The following COL23A1 variants were observed in gnomAD, a reference collection of about 807,000 sequenced individuals.
COL23A1 encodes collagen type XXIII alpha 1 chain.
In COL23A1, 97 loss-of-function variants were observed where a neutral mutation model predicts 99.3. That is an observed-to-expected ratio of 0.98 (90% CI 0.83 to 1.16). COL23A1 has a LOEUF of 1.16. Ranked by LOEUF, COL23A1 falls within the 50% of genes most tolerant of loss-of-function variation. The pLI is 0.00. For missense variants in COL23A1, 762 were observed against 757.4 expected (o/e 1.01, Z -0.07); for synonymous variants, 320 against 308.2 (o/e 1.04, Z -0.40).
intron 1 of COL23A1, among the ~76,000 whole-genome samples, chr5:178,566,332 C>T (rs6882332): frequency 6.6e-6 from 1 of 152,052 alleles, no homozygotes. Flanking sequence ...TGTCAAAAAC[C>T]ACAGCACTGT....
intron 2 of COL23A1, among the ~76,000 whole-genome samples, chr5:178,535,023 T>A (rs915532907): frequency 6.8e-5 from 10 of 146,258 alleles, no homozygotes; most frequent in African/African-American, 2.5e-4. Flanking sequence ...CAGGCTGGAG[T>A]GCGGTGGCGT....
intron 2 of COL23A1, among the ~76,000 whole-genome samples, chr5:178,484,128 GT>G (rs1757481535): frequency 6.6e-6 from 1 of 152,048 alleles, no homozygotes; most frequent in Non-Finnish European, 1.5e-5. Flanking sequence ...GTTTCACCGT[GT>G]TGGCCAGGCT....
At chr5:178,386,647 C>G (rs1438434848) in intron 2 of COL23A1, among the ~76,000 whole-genome samples, 2 of 152,056 alleles carry the variant, frequency 1.3e-5, no homozygotes, top group African/African-American at 4.8e-5. Context: ...TGAACTCCCC[C>G]GCCCCCACAG....
intron 2 of COL23A1, among the ~76,000 whole-genome samples, chr5:178,356,890 C>A (rs1463964070): frequency 6.6e-6 from 1 of 151,964 alleles, no homozygotes; most frequent in Admixed American, 6.6e-5. Context: ...CGCACTGAGC[C>A]TCTCCAACCC....
chr5:178,328,933 C>T (rs1342577316), intron 2 of COL23A1, among the ~76,000 whole-genome samples: 1 of 152,176 alleles, frequency 6.6e-6, no homozygotes, highest in Non-Finnish European at 1.5e-5. Context: ...GAGAAGCAGA[C>T]AATGAGGGCT....
In COL23A1 at chr5:178,280,864, A is replaced by C. The variant is rs912429790; in HGVS notation, c.441+7460T>G. Among the ~76,000 whole-genome samples the C allele has an allele frequency of 6.6e-6, 1 of 152,194 alleles. No individual in the cohort carries two copies. The highest frequency in any genetic ancestry group is 1.5e-5 in the Non-Finnish European group (1 of 68,038). On this transcript the variant is annotated intron_variant, in intron 5 of 28. Transcript: ENST00000390654. This position sits in a 1 kb window ranked among gnomAD's most constrained non-coding sequence, Gnocchi z 4.9. ...TGCAAAAAACTGCAGCAGATACAGG[A>C]GGCATCTGGGAGCCGAGGGCGGAGC... is the stretch of plus-strand genomic sequence containing the variant.
chr5:178,323,323 G>C (rs2127631478), intron 2 of COL23A1, among the ~76,000 whole-genome samples: 1 of 152,212 alleles, frequency 6.6e-6, no homozygotes, highest in African/African-American at 2.4e-5. Flanking sequence ...GCCCACAAAG[G>C]GCCCTGTGGT....
At chr5:178,413,277 G>C (rs1228102973) in intron 2 of COL23A1, among the ~76,000 whole-genome samples, 1 of 152,166 alleles carries the variant, frequency 6.6e-6, no homozygotes, top group African/African-American at 2.4e-5. Context: ...TGGATAATTT[G>C]CAGATATTGG....
intron 8 of COL23A1, among the ~76,000 whole-genome samples, chr5:178,265,282 C>T (rs991155212): frequency 2.0e-5 from 3 of 152,220 alleles, no homozygotes; most frequent in African/African-American, 4.8e-5. Flanking sequence ...CAAAATATTA[C>T]AGCTCCAGCG....
In COL23A1 at chr5:178,537,882, C is replaced by T. The variant is rs564301926; in HGVS notation, c.361+22800G>A. Among the ~76,000 whole-genome samples, 60 of 152,338 alleles carry T rather than the reference C, an allele frequency of 3.9e-4. No homozygotes were observed. The South Asian group carries it at 0.011, about 28-fold the overall frequency. On this transcript the variant is annotated intron_variant, in intron 2 of 28. Transcript: ENST00000390654. ...GTGCCACCATCACCACGTCCGCCTC[C>T]AGAGCTCTTCAACTTCCCAAACAGA...
intron 22 of COL23A1, 74 bp downstream of exon 22, chr5:178,247,452 G>C: frequency 6.4e-7 from 1 of 1,551,244 alleles, no homozygotes; most frequent in Non-Finnish European, 8.9e-7. Context: ...CCTTTGCTTT[G>C]CCCATTGGCA....
intron 11 of COL23A1, among the ~76,000 whole-genome samples, 182 bp from the exon 12 acceptor site, chr5:178,259,929 C>T (rs915094010): frequency 6.6e-6 from 1 of 152,234 alleles, no homozygotes; most frequent in Non-Finnish European, 1.5e-5. Context: ...TTCTGAGCCA[C>T]TCACTCCCAA....
At chr5:178,410,510 G>A (rs1765005178) in intron 2 of COL23A1, among the ~76,000 whole-genome samples, 1 of 152,148 alleles carries the variant, frequency 6.6e-6, no homozygotes, top group African/African-American at 2.4e-5. Flanking sequence ...GTGGGGCATT[G>A]GCATAAGGAT....
At chr5:178,381,917 C>T (rs183041900) in intron 2 of COL23A1, among the ~76,000 whole-genome samples, 11 of 152,316 alleles carry the variant, frequency 7.2e-5, no homozygotes, top group East Asian at 3.9e-4. Context: ...ATTACAGGCA[C>T]GAACCATCAC....
intron 25 of COL23A1, among the ~76,000 whole-genome samples, chr5:178,245,304 C>CCATCCATCCATCCACTGCCATCAT: frequency 1.5e-5 from 1 of 65,072 alleles, no homozygotes; most frequent in Non-Finnish European, 3.4e-5. Context: ...CCATCATCAT[C>CCATCCATCCATCCACTGCCATCAT]CATCCATCCA....
rs1340897774 is a variant in COL23A1, at chr5:178,255,515, T to G, written c.883-489A>C. Reference sequence around the variant, plus strand: ...TGTCAGCATGCCCATGTCCATATGCTGCACACTCATTGTGCACACTCACAC... The same window carrying G: ...TGTCAGCATGCCCATGTCCATATGCGGCACACTCATTGTGCACACTCACAC... On this transcript the variant is annotated intron_variant, in intron 15 of 28. Transcript: ENST00000390654. This position sits in a 1 kb window ranked among gnomAD's most constrained non-coding sequence, Gnocchi z 4.2. Among the ~76,000 whole-genome samples the G allele has an allele frequency of 6.6e-6, 1 of 151,930 alleles. No homozygotes were observed. Among genetic ancestry groups the G allele is most frequent in the Non-Finnish European group, 1.5e-5 (1 of 67,986 alleles).
At chr5:178,561,991 G>T in intron 1 of COL23A1, 1 of 448,348 alleles carries the variant, frequency 2.2e-6, no homozygotes, top group South Asian at 1.8e-5. Flanking sequence ...AAGAGGCGCA[G>T]AGAGCGAAGC....
Position 178,451,903 on chromosome 5 carries a change from G to A in COL23A1, c.361+108779C>T, listed in dbSNP as rs1220813584. ...CAGTGGAGATGCATTTCATGTTCAC[G>A]TTTTTCAGTAGGAAACATCATAGAA... is the stretch of plus-strand genomic sequence containing the variant. On this transcript the variant is annotated intron_variant, in intron 2 of 28. Transcript: ENST00000390654. 5.3e-5 allele frequency among the ~76,000 whole-genome samples: 8 copies of A among 152,014 alleles called. 1 individual carries two copies. The highest frequency in any genetic ancestry group is 2.6e-4 in the Admixed American group (4 of 15,276).
intron 2 of COL23A1, among the ~76,000 whole-genome samples, chr5:178,495,984 G>A (rs1164955915): frequency 6.6e-6 from 1 of 152,216 alleles, no homozygotes; most frequent in Admixed American, 6.5e-5. Flanking sequence ...GTAAGTGGCA[G>A]AGAGATACGA....
Sources: gnomAD v4.1 joint callset for allele counts (sites outside exome capture counted in the v4.1 genomes callset) on GRCh38, gnomAD v4.1.1 for gene constraint, Gnocchi (gnomAD v3.1) non-coding constraint, MANE v1.5 for transcripts, NCBI Gene and HGNC (gene_info 2026-07-23, HGNC 2026-07-21) for gene names.